Variants in SBNO1 observed in about 807,000 individuals in gnomAD.
SBNO1 encodes strawberry notch homolog 1.
Under a neutral mutation model 173.6 loss-of-function variants are expected in SBNO1, and 23 were observed. The observed-to-expected ratio is 0.13, with a 90% CI of 0.10 to 0.19. The LOEUF (loss-of-function observed/expected upper bound fraction) is 0.19. Among genes scored for constraint, SBNO1 ranks in the 10% least tolerant of loss-of-function variants. The pLI is 1.00. For missense variants in SBNO1, 1,238 were observed against 1,671.2 expected (o/e 0.74, Z 4.52); for synonymous variants, 632 against 571.5 (o/e 1.11, Z -1.51).
At chr12:123,337,527 T>C (rs182907376) in intron 5 of SBNO1, among the ~76,000 whole-genome samples, 312 of 152,234 alleles carry the variant, frequency 2.0e-3, no homozygotes, top group African/African-American at 7.0e-3. Flanking sequence ...CAGAATATGG[T>C]TGCAAATAGA....
intron 29 of SBNO1, among the ~76,000 whole-genome samples, chr12:123,303,219 T>C (rs1321051063): frequency 1.3e-5 from 2 of 152,226 alleles, no homozygotes; most frequent in African/African-American, 4.8e-5. Context: ...ACATTTTCTA[T>C]AAATCATTGC....
At position 123,345,510 on chromosome 12, in the gene SBNO1, C is replaced by T. The variant is rs763591222; in HGVS notation, c.298G>A (p.Gly100Arg). The T allele has an allele frequency of 6.2e-7, 1 of 1,613,782 alleles. No homozygotes were observed. The highest frequency in any genetic ancestry group is 8.5e-7 in the Non-Finnish European group (1 of 1,179,962). Residue 100 changes from glycine (G) to arginine (R), a missense_variant, in exon 4 of 32, where the codon GGA (glycine) becomes AGA (arginine). Gly to Arg is a moderately radical substitution (Grantham distance 125, BLOSUM62 -2). Transcript: ENST00000602398. ...LNQINHLPPLGSTIVMTKTPP... is the reference protein window; with the variant it reads ...LNQINHLPPLRSTIVMTKTPP... ...GTTTTAGTCATTACAATTGTAGATC[C>T]CAAGGGTGGAAGATGATTTATTTGA...
At chr12:123,356,912 ATTT>A (rs1234092518) in intron 1 of SBNO1, among the ~76,000 whole-genome samples, 1 of 152,124 alleles carries the variant, frequency 6.6e-6, no homozygotes, top group Non-Finnish European at 1.5e-5. Context: ...AACAAAAAGG[ATTT>A]TTTTCTCCTT....
At chr12:123,303,006 C>T in intron 29 of SBNO1, 106 bp from the exon 30 acceptor site, 1 of 819,874 alleles carries the variant, frequency 1.2e-6, no homozygotes, top group African/African-American at 1.7e-5. Context: ...ATAATCTCTA[C>T]ACAAAAAGCC....
Position 123,317,368 on chromosome 12 carries a change from A to T in SBNO1, c.2800-12T>A. On this transcript the variant is annotated splice_polypyrimidine_tract_variant and intron_variant, in intron 20 of 31. Transcript: ENST00000602398. Reference sequence around the variant, plus strand: ...ATGATAGCAATATTCTGTGTCAAATATAAGAAAAATAAAGTCACTTTTGCA... The same window carrying T: ...ATGATAGCAATATTCTGTGTCAAATTTAAGAAAAATAAAGTCACTTTTGCA... 6.2e-7 allele frequency: 1 copy of T among 1,613,350 alleles called. No individual in the cohort carries two copies. The highest frequency in any genetic ancestry group is 8.5e-7 in the Non-Finnish European group (1 of 1,179,662).
rs760391435 is a variant in SBNO1, at chr12:123,336,523, A to T, written c.652-32T>A. 7.7e-6 allele frequency: 11 copies of T among 1,427,756 alleles called. No homozygotes were observed. In the East Asian group the frequency reaches 2.5e-4, roughly 33 times the overall value. 88.4% of individuals were successfully genotyped at this position (1,427,756 alleles called of 1,614,324 possible). Reference sequence around the variant, plus strand: ...CACAGAAAGAGCACAATCAATCCCAAATCCAGGGACCAGACGCCCAGCCAA... The same window carrying T: ...CACAGAAAGAGCACAATCAATCCCATATCCAGGGACCAGACGCCCAGCCAA... On this transcript the variant is annotated intron_variant, in intron 5 of 31. Transcript: ENST00000602398.
chr12:123,343,150 T>C (rs1459317709), intron 4 of SBNO1, among the ~76,000 whole-genome samples: 2 of 152,032 alleles, frequency 1.3e-5, no homozygotes, highest in Admixed American at 6.6e-5. Flanking sequence ...GGAGAATCAC[T>C]TGAATTCAAG....
chr12:123,296,129 A>T, intron 31 of SBNO1, 79 bp from the exon 32 acceptor site: 1 of 888,728 alleles, frequency 1.1e-6, no homozygotes, highest in Non-Finnish European at 1.8e-6. Flanking sequence ...ATTCCAAATG[A>T]GGCATAATAT....
intron 29 of SBNO1, chr12:123,304,370 A>C (rs1359991764): frequency 1.3e-5 from 5 of 376,202 alleles, no homozygotes; most frequent in African/African-American, 1.1e-4. Flanking sequence ...AAGTGGCTGG[A>C]ATTACAGGTA....
At chr12:123,356,391 C>T (rs1874461757) in intron 1 of SBNO1, among the ~76,000 whole-genome samples, 1 of 152,170 alleles carries the variant, frequency 6.6e-6, no homozygotes, top group South Asian at 2.1e-4. Flanking sequence ...AGAATACAAA[C>T]TTTGTTAGCA....
chr12:123,341,644 C>G (rs1470517664), intron 4 of SBNO1, among the ~76,000 whole-genome samples: 1 of 151,930 alleles, frequency 6.6e-6, no homozygotes, highest in Admixed American at 6.6e-5. Flanking sequence ...GCCTCAGACC[C>G]CCAAGTAGCT....
intron 1 of SBNO1, among the ~76,000 whole-genome samples, chr12:123,357,351 G>A (rs914506295): frequency 1.3e-5 from 2 of 152,044 alleles, no homozygotes; most frequent in African/African-American, 4.8e-5. Flanking sequence ...TCCAGAGGCT[G>A]AGACAGGAGA....
intron 9 of SBNO1, among the ~76,000 whole-genome samples, chr12:123,329,976 C>A (rs986849274): frequency 2.0e-5 from 3 of 152,188 alleles, no homozygotes; most frequent in Non-Finnish European, 4.4e-5. Context: ...TAACTCAAGT[C>A]CATTAGCTGT....
chr12:123,318,967 GTTT>G (rs575457621), intron 20 of SBNO1, among the ~76,000 whole-genome samples: 1 of 135,724 alleles, frequency 7.4e-6, no homozygotes. Flanking sequence ...CTAAGGGAAC[GTTT>G]TTTTTTTTTT....
chr12:123,317,002 G>GTT (rs1351880553), intron 21 of SBNO1, among the ~76,000 whole-genome samples: 2 of 151,950 alleles, frequency 1.3e-5, no homozygotes, highest in Admixed American at 6.6e-5. Context: ...GCTCTCAGCT[G>GTT]TTTTTCTTTT....
intron 1 of SBNO1, among the ~76,000 whole-genome samples, chr12:123,360,760 TA>T (rs1037879828): frequency 2.0e-5 from 3 of 152,188 alleles, no homozygotes; most frequent in Admixed American, 1.3e-4. Context: ...AACCACTTTT[TA>T]AAGCATAAAA....
intron 3 of SBNO1, among the ~76,000 whole-genome samples, 156 bp from the exon 4 acceptor site, chr12:123,345,726 G>A (rs1873047326): frequency 6.6e-6 from 1 of 151,860 alleles, no homozygotes; most frequent in Admixed American, 6.6e-5. Context: ...CATGCAGGCT[G>A]AAGTGCGATC....
rs11413728 is a variant in SBNO1 at position 123,303,922 on chromosome 12, C to CTTTT, written c.3768+656_3768+659dup. On this transcript the variant is annotated intron_variant, in intron 29 of 31. Transcript: ENST00000602398. ...TTCAATATATTATAAAATAAGTATT[C>CTTTT]TTTTTTTTTTTTTTTTTTTTTTGAG... is the stretch of plus-strand genomic sequence containing the variant. Among the ~76,000 whole-genome samples, 152 of 100,460 alleles carry CTTTT rather than the reference C, an allele frequency of 1.5e-3. 3 individuals are homozygous for CTTTT. The highest frequency in any genetic ancestry group is 5.3e-3 in the East Asian group (16 of 3,042). The allele number at this position is 100,460 out of a possible 152,430, so 65.9% of individuals were successfully genotyped here. A position where few individuals can be genotyped will look rare whatever the true frequency, so the allele number is the denominator to read the frequency against.
intron 30 of SBNO1, among the ~76,000 whole-genome samples, chr12:123,300,076 A>G (rs2048734349): frequency 6.6e-6 from 1 of 152,294 alleles, no homozygotes; most frequent in South Asian, 2.1e-4. Context: ...AAATACCATC[A>G]ATGTTTTCTG....
Sources: allele counts gnomAD v4.1 joint callset (sites outside exome capture counted in the v4.1 genomes callset), GRCh38; gene constraint gnomAD v4.1.1; transcripts MANE v1.5; gene names NCBI Gene and HGNC (gene_info 2026-07-23, HGNC 2026-07-21).